Variants in GRID2 observed in about 807,000 individuals in gnomAD.
The protein encoded by GRID2 is glutamate ionotropic receptor delta type subunit 2.
Under a neutral mutation model 114.8 loss-of-function variants are expected in GRID2, and 33 were observed. The observed-to-expected ratio is 0.29, with a 90% CI of 0.22 to 0.38. The LOEUF (loss-of-function observed/expected upper bound fraction) is 0.38, where lower values mean the gene tolerates loss of function less well. GRID2 is among the 10% of genes least tolerant of loss of function. GRID2 has a pLI of 1.00. For missense variants in GRID2, 1,184 were observed against 1,257.7 expected (o/e 0.94, Z 0.89); for synonymous variants, 505 against 449.9 (o/e 1.12, Z -1.55).
chr4:93,068,248 G>T (rs1006036875), intron 2 of GRID2, among the ~76,000 whole-genome samples: 1 of 151,978 alleles, frequency 6.6e-6, no homozygotes, highest in African/African-American at 2.4e-5. Flanking sequence ...AGGACTTTCT[G>T]ATACATGTTT....
At chr4:92,805,744 A>G (rs752009170) in intron 2 of GRID2, among the ~76,000 whole-genome samples, 2 of 151,982 alleles carry the variant, frequency 1.3e-5, no homozygotes, top group African/African-American at 4.8e-5. Context: ...GCAGTGAGCT[A>G]TGACATTGAC....
At chr4:92,438,070 T>A (rs1299810355) in intron 1 of GRID2, among the ~76,000 whole-genome samples, 3 of 152,220 alleles carry the variant, frequency 2.0e-5, no homozygotes, top group Non-Finnish European at 4.4e-5. Flanking sequence ...TTAAGGCTGT[T>A]AAGTATTTCC....
chr4:92,569,724 G>A (rs1365549361), intron 1 of GRID2, among the ~76,000 whole-genome samples: 2 of 151,832 alleles, frequency 1.3e-5, no homozygotes, highest in Non-Finnish European at 2.9e-5. Context: ...ATAATCAGTG[G>A]GGTTGATCTT....
At chr4:92,375,863 T>C (rs1729330899) in intron 1 of GRID2, among the ~76,000 whole-genome samples, 1 of 152,174 alleles carries the variant, frequency 6.6e-6, no homozygotes, top group Non-Finnish European at 1.5e-5. Context: ...AATTGTATTA[T>C]GTAAGAACAT....
At chr4:92,918,101 C>T (rs185360012) in intron 2 of GRID2, among the ~76,000 whole-genome samples, 3 of 152,154 alleles carry the variant, frequency 2.0e-5, no homozygotes, top group East Asian at 3.9e-4. Context: ...GTATTTTATT[C>T]TCTTTGAAGC....
intron 9 of GRID2, among the ~76,000 whole-genome samples, chr4:93,415,897 G>A (rs1221949830): frequency 6.6e-6 from 1 of 151,834 alleles, no homozygotes; most frequent in Non-Finnish European, 1.5e-5. Flanking sequence ...AAGAAGTTAG[G>A]ATGACAGTAT....
At chr4:92,907,533 C>T (rs1578437092) in intron 2 of GRID2, among the ~76,000 whole-genome samples, 1 of 151,910 alleles carries the variant, frequency 6.6e-6, no homozygotes, top group East Asian at 2.0e-4. Flanking sequence ...TGCCTCAGTC[C>T]CCCGAGTAGC....
chr4:92,351,667 T>A (rs1374894166), intron 1 of GRID2, among the ~76,000 whole-genome samples: 1 of 151,836 alleles, frequency 6.6e-6, no homozygotes, highest in Non-Finnish European at 1.5e-5. Flanking sequence ...CCCTCCCATT[T>A]ACTATTTCCA....
In GRID2 at chr4:93,644,991, A is replaced by T. The variant is rs569804492; in HGVS notation, c.2360+18556A>T. On this transcript the variant is annotated intron_variant, in intron 14 of 15. Coordinates refer to ENST00000282020, the MANE Select transcript of GRID2 (RefSeq NM_001510.4). ...GAAGGCAGAGATTTGTGTCTGTTTT[A>T]TTCAGAGACGTATTCCAAAGTGCCT... Among the ~76,000 whole-genome samples the T allele has an allele frequency of 2.0e-5, 3 of 152,304 alleles. No individual in the cohort carries two copies. In the East Asian group the frequency reaches 5.8e-4, roughly 29 times the overall value.
chr4:92,642,941 A>T (rs896374753), intron 2 of GRID2, among the ~76,000 whole-genome samples: 2 of 151,532 alleles, frequency 1.3e-5, no homozygotes, highest in Non-Finnish European at 3.0e-5. Context: ...TCTGTTTCTT[A>T]TTCTGATCTA....
At chr4:93,275,998 C>A (rs1158666825) in intron 8 of GRID2, among the ~76,000 whole-genome samples, 1 of 151,804 alleles carries the variant, frequency 6.6e-6, no homozygotes, top group Non-Finnish European at 1.5e-5. Flanking sequence ...GTGCTTAGAA[C>A]TTTTATTGTA....
intron 1 of GRID2, among the ~76,000 whole-genome samples, chr4:92,513,665 A>G (rs1579497658): frequency 6.6e-6 from 1 of 151,756 alleles, no homozygotes; most frequent in East Asian, 1.9e-4. Flanking sequence ...TGCTTCACCT[A>G]CAAAACTGTC....
chr4:93,089,634 G>A (rs1730608906), intron 3 of GRID2, among the ~76,000 whole-genome samples: 1 of 152,054 alleles, frequency 6.6e-6, no homozygotes, highest in African/African-American at 2.4e-5. Context: ...TACCAAATTT[G>A]AGAGTGCAAT....
chr4:92,744,316 C>T (rs908604295), intron 2 of GRID2, among the ~76,000 whole-genome samples: 19 of 151,904 alleles, frequency 1.3e-4, no homozygotes, highest in Non-Finnish European at 2.2e-4. Context: ...GGTGAAACCC[C>T]GTCTCTACTA....
intron 4 of GRID2, among the ~76,000 whole-genome samples, chr4:93,163,361 T>A (rs1370233866): frequency 3.6e-5 from 1 of 27,712 alleles, no homozygotes. Context: ...TTTGTGTATA[T>A]ATATATATAT....
At chr4:93,196,765 TCTC>T (rs762461009) in intron 4 of GRID2, among the ~76,000 whole-genome samples, 1 of 152,154 alleles carries the variant, frequency 6.6e-6, no homozygotes, top group South Asian at 2.1e-4. Flanking sequence ...TCGTCCAATT[TCTC>T]CTCTAGAAGC....
intron 8 of GRID2, among the ~76,000 whole-genome samples, chr4:93,346,926 G>A (rs1008315886): frequency 3.3e-5 from 5 of 152,096 alleles, no homozygotes; most frequent in African/African-American, 4.8e-5. Flanking sequence ...TATCCCTGTA[G>A]GGAGCTTACT....
chr4:92,804,285 T>C (rs1016629908), intron 2 of GRID2, among the ~76,000 whole-genome samples: 7 of 152,052 alleles, frequency 4.6e-5, no homozygotes, highest in African/African-American at 1.7e-4. Context: ...TATTTAATTA[T>C]TGTATTTTAC....
intron 1 of GRID2, among the ~76,000 whole-genome samples, chr4:92,581,222 G>A (rs1459881537): frequency 7.0e-6 from 1 of 143,682 alleles, no homozygotes; most frequent in African/African-American, 2.6e-5. Flanking sequence ...TTTAGAAATA[G>A]TCACAAGTAC....
Sources: allele counts gnomAD v4.1 joint callset (sites outside exome capture counted in the v4.1 genomes callset), GRCh38; gene constraint gnomAD v4.1.1; transcripts MANE v1.5; gene names NCBI Gene and HGNC (gene_info 2026-07-23, HGNC 2026-07-21).